Variants in SBK1 observed in about 807,000 individuals in gnomAD.
SBK1 encodes serine/threonine-protein kinase SBK1.
Under a neutral mutation model 24.4 loss-of-function variants are expected in SBK1, and 11 were observed. The ratio of observed to expected loss-of-function variants is 0.45; its 90% CI spans 0.28 to 0.75. SBK1 has a LOEUF of 0.75. SBK1 is among the 30% of genes least tolerant of loss of function. SBK1 has a pLI of 0.12. For synonymous variants in SBK1, 308 were observed against 284.4 expected, an observed-to-expected ratio of 1.08 and a Z score of -0.83; for missense variants, 467 against 620.5, an observed-to-expected ratio of 0.75 and a Z score of 2.63.
chr16:28,321,095 C>T lies in SBK1; in HGVS notation c.*174C>T. On this transcript the variant is annotated 3_prime_UTR_variant, in exon 4 of 4. Coordinates refer to ENST00000341901, the MANE Select transcript of SBK1 (RefSeq NM_001024401.3). ...CCCGGCGGGCTGGTGAGGGGGCCAC[C>T]AAAGACCCCTAGCGCGGCCTGGTGA... 3.6e-6 allele frequency: 2 copies of T among 551,772 alleles called. No homozygotes were observed. Among genetic ancestry groups the T allele is most frequent in the Non-Finnish European group, 5.6e-6 (2 of 359,010 alleles). The allele number at this position is 551,772 out of a possible 1,614,324, so 34.2% of individuals were successfully genotyped here.
intron 1 of SBK1, among the ~76,000 whole-genome samples, chr16:28,281,043 G>A (rs1250941012): frequency 1.3e-5 from 2 of 151,986 alleles, no homozygotes; most frequent in Non-Finnish European, 2.9e-5. Flanking sequence ...AGACCCAGTG[G>A]CGACCTTGGT....
intron 1 of SBK1, among the ~76,000 whole-genome samples, chr16:28,287,226 A>G (rs1189195023): frequency 6.7e-6 from 1 of 150,364 alleles, no homozygotes; most frequent in East Asian, 1.9e-4. Flanking sequence ...AGATCACCCA[A>G]AGTCAGGAGT....
At chr16:28,280,149 A>G (rs7206603) in intron 1 of SBK1, among the ~76,000 whole-genome samples, 3,762 of 39,254 alleles carry the variant, frequency 0.096, 330 homozygotes, top group African/African-American at 0.15. Context: ...ATATATATAT[A>G]TGTGTGTGTG....
chr16:28,299,260 A>C (rs2044662825), intron 1 of SBK1, among the ~76,000 whole-genome samples: 1 of 152,216 alleles, frequency 6.6e-6, no homozygotes, highest in Non-Finnish European at 1.5e-5. Flanking sequence ...GAATGAATGT[A>C]AAGTGCCATG....
chr16:28,300,910 C>T (rs2044674194), intron 1 of SBK1, among the ~76,000 whole-genome samples: 1 of 152,208 alleles, frequency 6.6e-6, no homozygotes, highest in African/African-American at 2.4e-5. Flanking sequence ...ACCGCAGGCT[C>T]CTAGGCTGGG....
At chr16:28,304,241 G>T (rs1427613295) in intron 1 of SBK1, among the ~76,000 whole-genome samples, 1 of 152,166 alleles carries the variant, frequency 6.6e-6, no homozygotes, top group Non-Finnish European at 1.5e-5. Flanking sequence ...CTGGGTTCCA[G>T]TTCTGCGGCA....
At chr16:28,280,143 A>ATGTGTGTG (rs1187072862) in intron 1 of SBK1, among the ~76,000 whole-genome samples, 6 of 57,228 alleles carry the variant, frequency 1.0e-4, no homozygotes, top group African/African-American at 2.9e-4. Context: ...ATATATATAT[A>ATGTGTGTG]TATATATGTG....
Position 28,320,549 on chromosome 16 carries a change from G to A in SBK1, c.903G>A (p.Glu301=). 1 of 1,555,792 alleles carries A rather than the reference G, an allele frequency of 6.4e-7. No homozygotes were observed. The highest frequency in any genetic ancestry group is 1.1e-5 in the South Asian group (1 of 87,244). Residue 301 remains glutamate, a synonymous_variant, in exon 4 of 4, where the codon GAG becomes GAA. Coordinates refer to ENST00000341901, the MANE Select transcript of SBK1 (RefSeq NM_001024401.3). The surrounding 1 kb of genome is among the most constrained non-coding windows in gnomAD (Gnocchi z 8.5). ...MFQRLLALEP[E]RRGPAKEVFR... is the part of the protein sequence containing the mutation. ...AGCGCTTACTGGCCCTGGAGCCCGAGCGCCGCGGCCCAGCCAAGGAGGTGT... is the reference window on the plus strand; with the variant it reads ...AGCGCTTACTGGCCCTGGAGCCCGAACGCCGCGGCCCAGCCAAGGAGGTGT...
rs931985620 is a variant in SBK1 at position 28,322,531 on chromosome 16, C to G, written c.*1610C>G. On this transcript the variant is annotated 3_prime_UTR_variant, in exon 4 of 4. Coordinates refer to ENST00000341901, the MANE Select transcript of SBK1 (RefSeq NM_001024401.3). ...CTTTCTGGCTGGTGCCCCAACCTCT[C>G]CACTCCCCACTCATTCCCACCTTGA... is the stretch of plus-strand genomic sequence containing the variant. The G allele has an allele frequency of 4.6e-5, 7 of 152,942 alleles. No individual in the cohort carries two copies. The highest frequency in any genetic ancestry group is 1.0e-4 in the Non-Finnish European group (7 of 68,216). The allele number at this position is 152,942 out of a possible 1,614,324, so 9.5% of individuals were successfully genotyped here.
intron 1 of SBK1, among the ~76,000 whole-genome samples, chr16:28,264,757 C>T (rs1277317081): frequency 2.0e-5 from 3 of 151,948 alleles, no homozygotes; most frequent in Middle Eastern, 3.4e-3. Context: ...TGAGATCACA[C>T]GGGAAAGAGG....
At chr16:28,277,014 T>C (rs968167780) in intron 1 of SBK1, among the ~76,000 whole-genome samples, 28 of 152,028 alleles carry the variant, frequency 1.8e-4, no homozygotes, top group African/African-American at 5.8e-4. Context: ...ATGAAGAGGA[T>C]AGAAGGGCAG....
At chr16:28,261,428 TACACACACACAC>T (rs35296302) in intron 1 of SBK1, among the ~76,000 whole-genome samples, 25,982 of 124,576 alleles carry the variant, frequency 0.21, 2,982 homozygotes, top group South Asian at 0.35. Flanking sequence ...GACTCCCGTC[TACACACACACAC>T]ACACACACAC....
At chr16:28,264,242 A>G (rs1054095813) in intron 1 of SBK1, among the ~76,000 whole-genome samples, 2 of 152,204 alleles carry the variant, frequency 1.3e-5, no homozygotes, top group Non-Finnish European at 2.9e-5. Flanking sequence ...GGGATTGCAG[A>G]GGTGCATGGG....
intron 1 of SBK1, among the ~76,000 whole-genome samples, chr16:28,303,007 G>A (rs2044689933): frequency 6.6e-6 from 1 of 152,016 alleles, no homozygotes; most frequent in South Asian, 2.1e-4. Flanking sequence ...TTGAGAAGGT[G>A]TCATTTTGTC....
chr16:28,304,824 G>A (rs1402717682), intron 1 of SBK1, among the ~76,000 whole-genome samples: 1 of 151,998 alleles, frequency 6.6e-6, no homozygotes, highest in East Asian at 1.9e-4. Flanking sequence ...TAGCCAGGAT[G>A]GTCTCGATCT....
chr16:28,275,053 G>T (rs921040140), intron 1 of SBK1, among the ~76,000 whole-genome samples: 5 of 152,108 alleles, frequency 3.3e-5, no homozygotes, highest in African/African-American at 1.2e-4. Context: ...GGGGCCGGGC[G>T]TGGTGGCTCA....
intron 1 of SBK1, among the ~76,000 whole-genome samples, chr16:28,311,977 G>A (rs2044757388): frequency 6.6e-6 from 1 of 152,266 alleles, no homozygotes; most frequent in African/African-American, 2.4e-5. Flanking sequence ...TAAGCTCCCA[G>A]AGTACACAGA....
At position 28,266,448 on chromosome 16, in the gene SBK1, A is replaced by G. The variant is rs571724678; in HGVS notation, c.257+6946A>G. Among the ~76,000 whole-genome samples, 3 of 152,320 alleles carry G rather than the reference A, an allele frequency of 2.0e-5. No individual in the cohort carries two copies. In the South Asian group the frequency reaches 6.2e-4, roughly 32 times the overall value. On this transcript the variant is annotated intron_variant, in intron 1 of 3. Transcript: ENST00000671413. ...TGTGCATCAGTGTTTTATTGCTTCC[A>G]TAACAAATTGCCATAAACTGAGTTG... is the stretch of plus-strand genomic sequence containing the variant.
At position 28,320,030 on chromosome 16, in the gene SBK1, G is replaced by C; in HGVS notation, c.430-46G>C. The C allele has an allele frequency of 7.0e-7, 1 of 1,428,378 alleles. No homozygotes were observed. Among genetic ancestry groups the C allele is most frequent in the Non-Finnish European group, 9.1e-7 (1 of 1,097,018 alleles). 88.5% of individuals were successfully genotyped at this position (1,428,378 alleles called of 1,614,324 possible). ...GCTGGAGGGGAGGGCGGCGGGGCGG[G>C]CGCTGGAGAGCTGGAAACAGCGCGG... On this transcript the variant is annotated intron_variant, in intron 3 of 3. Transcript: ENST00000341901. The surrounding 1 kb of genome is among the most constrained non-coding windows in gnomAD (Gnocchi z 8.5).
Sources: allele counts gnomAD v4.1 joint callset (sites outside exome capture counted in the v4.1 genomes callset), GRCh38; gene constraint gnomAD v4.1.1; non-coding constraint Gnocchi (gnomAD v3.1); transcripts MANE v1.5; gene names NCBI Gene and HGNC (gene_info 2026-07-23, HGNC 2026-07-21).